The following CPEB1 variants were observed in gnomAD, a reference collection of about 807,000 sequenced individuals.
The protein encoded by CPEB1 is cytoplasmic polyadenylation element binding protein 1.
A neutral mutation model predicts 65.8 loss-of-function variants in CPEB1; 7 were observed. The observed-to-expected ratio is 0.11, with a 90% CI of 0.06 to 0.20. The LOEUF (loss-of-function observed/expected upper bound fraction) is 0.20. CPEB1 is among the 10% of genes least tolerant of loss of function. The pLI, the probability that CPEB1 is intolerant of heterozygous loss-of-function variation, is 1.00. For synonymous variants in CPEB1, 262 were observed against 260.0 expected (o/e 1.01, Z -0.08); for missense variants, 551 against 712.2 (o/e 0.77, Z 2.58).
intron 1 of CPEB1, among the ~76,000 whole-genome samples, chr15:82,637,089 T>C (rs1007711296): frequency 2.0e-5 from 3 of 152,232 alleles, no homozygotes; most frequent in East Asian, 1.9e-4. Context: ...AAGAGGGAAC[T>C]TGGAGTCTGG....
At chr15:82,577,635 CTCCCAAG>C (rs998536379) in intron 3 of CPEB1, among the ~76,000 whole-genome samples, 49 of 152,276 alleles carry the variant, frequency 3.2e-4, no homozygotes, top group African/African-American at 1.2e-3. Context: ...CTACCTCAGC[CTCCCAAG>C]TAGCTGGGAC....
At chr15:82,547,317 G>C (rs1270430900) in intron 10 of CPEB1, 80 bp from the exon 11 acceptor site, 1 of 615,456 alleles carries the variant, frequency 1.6e-6, no homozygotes. Flanking sequence ...TTTTTTTTGA[G>C]ATGGAGTCTC....
At chr15:82,548,347 T>G (rs1370444117) in intron 10 of CPEB1, among the ~76,000 whole-genome samples, 3 of 152,158 alleles carry the variant, frequency 2.0e-5, no homozygotes, top group Non-Finnish European at 2.9e-5. Context: ...AAAAAAATTT[T>G]ATTTAACCCT....
chr15:82,615,905 G>T (rs1234109477), intron 3 of CPEB1, among the ~76,000 whole-genome samples: 1 of 151,782 alleles, frequency 6.6e-6, no homozygotes, highest in African/African-American at 2.4e-5. Context: ...CCAAAATACT[G>T]TTTATAATAG....
At chr15:82,604,741 A>T (rs2043411235) in intron 3 of CPEB1, among the ~76,000 whole-genome samples, 1 of 152,238 alleles carries the variant, frequency 6.6e-6, no homozygotes, top group Non-Finnish European at 1.5e-5. Context: ...TCTGAGGACA[A>T]GAAACTACAG....
chr15:82,638,380 A>T (rs1195921947), intron 1 of CPEB1, among the ~76,000 whole-genome samples: 2 of 152,228 alleles, frequency 1.3e-5, no homozygotes, highest in African/African-American at 4.8e-5. Flanking sequence ...ACAAACGTTG[A>T]CACACTAGTT....
intron 3 of CPEB1, among the ~76,000 whole-genome samples, chr15:82,609,590 T>C (rs2043941019): frequency 6.8e-6 from 1 of 147,082 alleles, no homozygotes; most frequent in African/African-American, 2.5e-5. Flanking sequence ...ACAAAGCAAG[T>C]AGAGGAAGCA....
chr15:82,640,339 C>T (rs1156945800), intron 1 of CPEB1, among the ~76,000 whole-genome samples: 2 of 152,020 alleles, frequency 1.3e-5, no homozygotes, highest in Non-Finnish European at 2.9e-5. Context: ...TATTCTTGTG[C>T]ATGCCTTTTT....
At chr15:82,580,615 T>A (rs1321910979) in intron 3 of CPEB1, among the ~76,000 whole-genome samples, 2 of 152,254 alleles carry the variant, frequency 1.3e-5, no homozygotes, top group East Asian at 3.9e-4. Flanking sequence ...TCACTACTCT[T>A]CACCTCTAGA....
At chr15:82,625,905 C>T (rs1311211343) in intron 3 of CPEB1, among the ~76,000 whole-genome samples, 1 of 149,874 alleles carries the variant, frequency 6.7e-6, no homozygotes, top group South Asian at 2.1e-4. Flanking sequence ...GATCACCTGA[C>T]GTCAGGAGTT....
intron 6 of CPEB1, among the ~76,000 whole-genome samples, chr15:82,555,116 A>G (rs150117694): frequency 1.1e-4 from 17 of 152,376 alleles, no homozygotes; most frequent in African/African-American, 3.8e-4. Context: ...GTTAATGAAT[A>G]TCTCCCTGAA....
chr15:82,617,037 T>G (rs527962376), intron 3 of CPEB1, among the ~76,000 whole-genome samples: 1 of 152,194 alleles, frequency 6.6e-6, no homozygotes, highest in African/African-American at 2.4e-5. Context: ...CCCAAAAGTT[T>G]AATACCCTTT....
intron 3 of CPEB1, chr15:82,573,267 T>TCATC: frequency 9.5e-7 from 1 of 1,050,716 alleles, no homozygotes; most frequent in Non-Finnish European, 1.3e-6. Flanking sequence ...TGCTGCTGTG[T>TCATC]CATCCATCCA....
chr15:82,593,173 C>T (rs1212551613), intron 3 of CPEB1, among the ~76,000 whole-genome samples: 4 of 152,098 alleles, frequency 2.6e-5, no homozygotes, highest in African/African-American at 4.8e-5. Context: ...CCGCATAGTT[C>T]GATTCTTCCT....
At chr15:82,548,678 A>G (rs1433487165) in intron 10 of CPEB1, 1 of 455,590 alleles carries the variant, frequency 2.2e-6, no homozygotes, top group Non-Finnish European at 4.4e-6. Context: ...CTGGAGACCT[A>G]TTAAGAGAGC....
At chr15:82,630,804 G>A (rs2046181476) in intron 1 of CPEB1, among the ~76,000 whole-genome samples, 1 of 152,066 alleles carries the variant, frequency 6.6e-6, no homozygotes, top group African/African-American at 2.4e-5. Context: ...GGTCCAGTGT[G>A]GTACAGCATT....
intron 3 of CPEB1, among the ~76,000 whole-genome samples, chr15:82,625,297 C>A (rs756404915): frequency 6.6e-6 from 1 of 151,874 alleles, no homozygotes; most frequent in Admixed American, 6.6e-5. Context: ...ACAAAAACCA[C>A]CCCCACCCCC....
intron 1 of CPEB1, among the ~76,000 whole-genome samples, chr15:82,633,706 T>C (rs2046437189): frequency 6.6e-6 from 1 of 152,202 alleles, no homozygotes; most frequent in Non-Finnish European, 1.5e-5. Flanking sequence ...GGCCTCAATT[T>C]TCTCCTCTCC....
chr15:82,572,817 A>G (rs967179215), intron 3 of CPEB1, among the ~76,000 whole-genome samples: 30 of 152,266 alleles, frequency 2.0e-4, no homozygotes, highest in African/African-American at 6.5e-4. Context: ...CACAAGACCA[A>G]TGCTTATTTC....
Sources: allele counts gnomAD v4.1 joint callset (sites outside exome capture counted in the v4.1 genomes callset), GRCh38; gene constraint gnomAD v4.1.1; transcripts MANE v1.5; gene names NCBI Gene and HGNC (gene_info 2026-07-23, HGNC 2026-07-21).